Variants in KCNC4 observed in about 807,000 individuals in gnomAD.
KCNC4 encodes potassium voltage-gated channel subfamily C member 4.
A neutral mutation model predicts 42.8 loss-of-function variants in KCNC4; 23 were observed. That is an observed-to-expected ratio of 0.54 (90% CI 0.39 to 0.76). The LOEUF (loss-of-function observed/expected upper bound fraction) is 0.76, where lower values mean the gene tolerates loss of function less well. KCNC4 is among the 30% of genes least tolerant of loss of function. KCNC4 has a pLI of 0.00. For missense variants in KCNC4, 751 were observed against 898.2 expected, an observed-to-expected ratio of 0.84 and a Z score of 2.10; for synonymous variants, 422 against 393.5, an observed-to-expected ratio of 1.07 and a Z score of -0.86.
rs147829996 is a variant in KCNC4, at chr1:110,267,415, C to T, written n.31-15119C>T. On this transcript the variant is annotated intron_variant and non_coding_transcript_variant, in intron 1 of 2. Transcript: ENST00000412512. ...ACCTCAGTTCAGCTGATACGAGGCCCGTCCTTATTCCCCGCTGCCTCCATG... is the reference window on the plus strand; with the variant it reads ...ACCTCAGTTCAGCTGATACGAGGCCTGTCCTTATTCCCCGCTGCCTCCATG... Among the ~76,000 whole-genome samples the T allele has an allele frequency of 2.1e-3, 323 of 152,164 alleles. 2 individuals are homozygous for T. Among genetic ancestry groups the T allele is most frequent in the African/African-American group, 7.4e-3 (307 of 41,478 alleles).
intron 1 of KCNC4, chr1:110,272,558 T>C (rs1194683589): frequency 6.6e-6 from 1 of 152,168 alleles, no homozygotes; most frequent in African/African-American, 2.4e-5. Context: ...AAATTTTCCA[T>C]AGGATGCTGT....
At chr1:110,279,203 C>A (rs1306247863) in intron 1 of KCNC4, among the ~76,000 whole-genome samples, 1 of 152,182 alleles carries the variant, frequency 6.6e-6, no homozygotes, top group African/African-American at 2.4e-5. Context: ...AAACCTTTCC[C>A]CATTGAGCTG....
chr1:110,223,692 T>C lies in KCNC4; in HGVS notation c.1407T>C (p.Pro469=). 2.5e-6 allele frequency: 4 copies of C among 1,614,086 alleles called. No homozygotes were observed. The highest frequency in any genetic ancestry group is 1.1e-5 in the South Asian group (1 of 91,082). ...AGVLTIAMPV[P]VIVNNFGMYY... is the part of the protein sequence containing the mutation. Reference sequence around the variant, plus strand: ...TGCTCACCATCGCCATGCCGGTGCCTGTCATCGTCAACAACTTCGGCATGT... The same window carrying C: ...TGCTCACCATCGCCATGCCGGTGCCCGTCATCGTCAACAACTTCGGCATGT... Residue 469 remains proline (P), a synonymous_variant, in exon 2 of 4, where the codon CCT becomes CCC. Coordinates refer to ENST00000438661, the MANE Select transcript of KCNC4 (RefSeq NM_001039574.3). This position sits in a 1 kb window ranked among gnomAD's most constrained non-coding sequence, Gnocchi z 7.5.
rs61372696 is a variant in KCNC4, at chr1:110,275,954, CAAAAAAAAA to C, written n.31-6570_31-6562del. ...GCCTGGGTGAAAAGAGACTCCGCCTCAAAAAAAAAAAAAAAAAAGAAGAATGAAATCATG... is the reference window on the plus strand; with the variant it reads ...GCCTGGGTGAAAAGAGACTCCGCCTCAAAAAAAAAGAAGAATGAAATCATG... On this transcript the variant is annotated intron_variant and non_coding_transcript_variant, in intron 1 of 2. Transcript: ENST00000412512. 9.1e-3 allele frequency among the ~76,000 whole-genome samples: 965 copies of C among 106,248 alleles called. 14 individuals are homozygous for C. The highest frequency in any genetic ancestry group is 0.031 in the African/African-American group (854 of 27,148). 69.7% of individuals were successfully genotyped at this position (106,248 alleles called of 152,430 possible).
exon 4 of KCNC4, chr1:110,242,346 A>G (rs1014485269): frequency 2.6e-5 from 4 of 151,712 alleles, no homozygotes; most frequent in Admixed American, 2.0e-4. Context: ...ACCCACCCCA[A>G]CTCTCCGAGT....
chr1:110,241,679 A>T (rs998018444), exon 4 of KCNC4: 2 of 152,116 alleles, frequency 1.3e-5, no homozygotes, highest in African/African-American at 4.8e-5. Flanking sequence ...CCCCTCTTAC[A>T]TTCTACTATT....
exon 4 of KCNC4, chr1:110,243,033 GAGA>G (rs1361389030): frequency 6.6e-6 from 1 of 152,274 alleles, no homozygotes; most frequent in Non-Finnish European, 1.5e-5. Flanking sequence ...GTGAAATGGA[GAGA>G]AGGAAACATC....
chr1:110,213,313 C>T (rs1034788788), intron 1 of KCNC4, among the ~76,000 whole-genome samples: 3 of 151,346 alleles, frequency 2.0e-5, no homozygotes, highest in Non-Finnish European at 4.4e-5. Context: ...CAGGAAAGAG[C>T]AATGTAACTT....
At chr1:110,254,104 C>G (rs974342375), downstream of KCNC4, among the ~76,000 whole-genome samples, 618 of 124,490 alleles carry the variant, frequency 5.0e-3, 1 homozygote, top group South Asian at 6.9e-3. Context: ...GGGGGGGCGG[C>G]GTTTCTGTTG....
chr1:110,283,276 A>T (rs992205585), downstream of KCNC4, among the ~76,000 whole-genome samples: 6 of 152,108 alleles, frequency 3.9e-5, no homozygotes, highest in Non-Finnish European at 4.4e-5. Context: ...ACACCGCCAC[A>T]TTGGGGATCA....
At chr1:110,236,655 C>G (rs952230732), downstream of KCNC4, 1 of 152,274 alleles carries the variant, frequency 6.6e-6, no homozygotes. Flanking sequence ...TCAGTGACTG[C>G]TTGGTTCCTT....
chr1:110,249,936 C>T (rs959248216), downstream of KCNC4, among the ~76,000 whole-genome samples: 3 of 152,218 alleles, frequency 2.0e-5, no homozygotes, highest in African/African-American at 7.2e-5. Context: ...CAGCATTCTA[C>T]TGTCTTTGTG....
In KCNC4 at chr1:110,226,063, C is replaced by G. The variant is rs200865430; in HGVS notation, c.1704C>G (p.Pro568=). 1.2e-6 allele frequency: 2 copies of G among 1,613,946 alleles called. No homozygotes were observed. Among genetic ancestry groups the G allele is most frequent in the Admixed American group, 3.3e-5 (2 of 60,000 alleles). ...LTQPLASSPT[P]EERRALRRST... is the part of the protein sequence containing the mutation. ...AACCCCTGGCCTCCTCCCCGACCCC[C>G]GAGGAGCGCCGGGCCCTGCGACGCT... is the stretch of plus-strand genomic sequence containing the variant. The change falls in exon 3 of 4, where the codon CCC becomes CCG. Residue 568 remains proline, a synonymous_variant. Transcript: ENST00000438661.
intron 3 of KCNC4, among the ~76,000 whole-genome samples, chr1:110,231,195 A>C (rs1297651137): frequency 6.6e-6 from 1 of 152,276 alleles, no homozygotes; most frequent in Middle Eastern, 3.4e-3. Context: ...TGCAACCTAG[A>C]AGCTGGCTGA....
chr1:110,222,695 C>G, intron 1 of KCNC4: 1 of 450,234 alleles, frequency 2.2e-6, no homozygotes, highest in Non-Finnish European at 4.0e-6. Flanking sequence ...AAAGGCAGGT[C>G]TAGCAGCTGT....
intron 1 of KCNC4, among the ~76,000 whole-genome samples, chr1:110,261,232 A>T (rs1472734812): frequency 2.6e-5 from 4 of 152,278 alleles, no homozygotes; most frequent in Non-Finnish European, 4.4e-5. Flanking sequence ...TGCAAAACAC[A>T]AAAAGCCATA....
intron 1 of KCNC4, among the ~76,000 whole-genome samples, chr1:110,265,181 C>A (rs1659516255): frequency 1.3e-5 from 2 of 151,372 alleles, no homozygotes; most frequent in Non-Finnish European, 2.9e-5. Context: ...CTAGTAACTT[C>A]TTTTACCCTG....
chr1:110,226,088 T>A lies in KCNC4; in HGVS notation c.1729T>A (p.Ser577Thr). The A allele has an allele frequency of 6.2e-7, 1 of 1,613,832 alleles. No individual in the cohort carries two copies. Among genetic ancestry groups the A allele is most frequent in the Non-Finnish European group, 8.5e-7 (1 of 1,179,964 alleles). The change falls in exon 3 of 4, where the codon TCC (serine) becomes ACC (threonine). Residue 577 changes from serine (S) to threonine (T), a missense_variant. By Grantham distance (58) the Ser-to-Thr change is moderately conservative. Around this residue, in one of 4 missense-constraint regions of KCNC4, gnomAD observed 202 missense variants for 181.5 expected, o/e 1.11. Transcript: ENST00000438661. ...CGAGGAGCGCCGGGCCCTGCGACGC[T>A]CCACCACTCGAGACAGAAACAAGAA... is the stretch of plus-strand genomic sequence containing the variant. ...TPEERRALRR[S>T]TTRDRNKKAA...
intron 1 of KCNC4, among the ~76,000 whole-genome samples, chr1:110,258,586 G>A (rs1035839789): frequency 6.6e-6 from 1 of 152,134 alleles, no homozygotes; most frequent in African/African-American, 2.4e-5. Flanking sequence ...TCTTCAGCGT[G>A]TATGTGTTGA....
Sources: gnomAD v4.1 joint callset for allele counts (sites outside exome capture counted in the v4.1 genomes callset) on GRCh38, gnomAD v4.1.1 for gene constraint, gnomAD v4.1.1 regional missense constraint, Gnocchi (gnomAD v3.1) non-coding constraint, MANE v1.5 for transcripts, NCBI Gene and HGNC (gene_info 2026-07-23, HGNC 2026-07-21) for gene names.